Variants in NLRC5 observed in about 807,000 individuals in gnomAD.
The protein encoded by NLRC5 is NLR family CARD domain containing 5, also known as protein NLRC5.
In NLRC5, 114 loss-of-function variants were observed where a neutral mutation model predicts 206.9. The observed-to-expected ratio is 0.55, with a 90% CI of 0.47 to 0.64. NLRC5 has a LOEUF of 0.64. Among genes scored for constraint, NLRC5 ranks in the 30% least tolerant of loss-of-function variants. NLRC5 has a pLI of 0.00. For synonymous variants in NLRC5, 952 were observed against 962.8 expected (o/e 0.99, Z 0.21); for missense variants, 2,008 against 2,305.5 (o/e 0.87, Z 2.64).
intron 28 of NLRC5, chr16:57,058,591 C>T (rs1233176715): frequency 3.1e-6 from 1 of 323,886 alleles, no homozygotes; most frequent in African/African-American, 2.1e-5. Flanking sequence ...CATGGTTGCC[C>T]CATCTCTCCC....
rs903214395 is a variant in NLRC5, at chr16:57,052,131, A to G, written c.3506+510A>G. Among the ~76,000 whole-genome samples, 5 of 152,354 alleles carry G rather than the reference A, an allele frequency of 3.3e-5. No homozygotes were observed. The East Asian group carries it at 9.6e-4, about 29-fold the overall frequency. On this transcript the variant is annotated intron_variant, in intron 24 of 48. Coordinates refer to ENST00000688547, the MANE Select transcript of NLRC5 (RefSeq NM_001384950.1). The stretch of plus-strand genomic sequence containing the variant: ...AAGGGAATTTAAGCAGAATTCCCCC[A>G]AAGTATTAAAACTATTTTCTAATTT...
In NLRC5 at chr16:57,021,013, G is replaced by GGCAGGTGTGAGAGACGCAAA. The variant is rs750431597; in HGVS notation, c.295+11_295+30dup. On this transcript the variant is annotated splice_region_variant and intron_variant, in intron 3 of 48. Coordinates refer to ENST00000688547, the MANE Select transcript of NLRC5 (RefSeq NM_001384950.1). ...TACTTTTGGCTATGATGATGGTAAG[G>GGCAGGTGTGAGAGACGCAAA]GCAGGTGTGAGAGACGCAAAGCAGC... 3 of 1,611,444 alleles carry GGCAGGTGTGAGAGACGCAAA rather than the reference G, an allele frequency of 1.9e-6. No homozygotes were observed. The South Asian group carries it at 3.3e-5, about 18-fold the overall frequency.
At chr16:57,015,925 CA>C (rs35216159) in intron 1 of NLRC5, among the ~76,000 whole-genome samples, 589 of 39,660 alleles carry the variant, frequency 0.015, 5 homozygotes, top group African/African-American at 0.048. Context: ...AACTCCATCT[CA>C]AAAAAAAAAA....
intron 26 of NLRC5, 69 bp from the exon 27 acceptor site, chr16:57,055,364 A>C: frequency 6.9e-7 from 1 of 1,451,892 alleles, no homozygotes; most frequent in South Asian, 1.2e-5. Flanking sequence ...GCCCTGGGCT[A>C]GCCAGGCCGG....
At position 57,076,905 on chromosome 16, in the gene NLRC5, G is replaced by A. The variant is rs372915863; in HGVS notation, c.4835+3G>A. 4 of 1,613,514 alleles carry A rather than the reference G, an allele frequency of 2.5e-6. No homozygotes were observed. Among genetic ancestry groups the A allele is most frequent in the Non-Finnish European group, 2.5e-6 (3 of 1,179,850 alleles). On this transcript the variant is annotated splice_donor_region_variant and intron_variant, in intron 40 of 48. Coordinates refer to ENST00000688547, the MANE Select transcript of NLRC5 (RefSeq NM_001384950.1). ...GCCACCAGCCTAGAGGAGCTGGAGT[G>A]AGTTGCCCATTCTGCCCCCAGACCC...
At chr16:56,996,389 T>TC (rs1250994787) in intron 1 of NLRC5, among the ~76,000 whole-genome samples, 1 of 152,194 alleles carries the variant, frequency 6.6e-6, no homozygotes, top group Non-Finnish European at 1.5e-5. Flanking sequence ...TCTCATTACG[T>TC]TGCCCAGGCT....
At chr16:57,055,812 C>T (rs754462949) in intron 27 of NLRC5, among the ~76,000 whole-genome samples, 1 of 152,166 alleles carries the variant, frequency 6.6e-6, no homozygotes, top group Admixed American at 6.5e-5. Flanking sequence ...GGCTAAAACG[C>T]AGGATTCATT....
In NLRC5 at chr16:57,042,007, G is replaced by A; in HGVS notation, c.3055G>A (p.Glu1019Lys). ...LDFSGNALGD[E>K]GAARLAQLLP... ...CTTCTCAGGCAATGCTCTGGGGGAT[G>A]AAGGTGCAGCCCGGCTGGCTCAGCT... The change falls in exon 19 of 49, where the codon GAA becomes AAA. Residue 1019 changes from glutamate to lysine, a missense_variant. Physicochemically the swap from Glu to Lys is moderately conservative, Grantham distance 56. Coordinates refer to ENST00000688547, the MANE Select transcript of NLRC5 (RefSeq NM_001384950.1). The A allele has an allele frequency of 6.3e-7, 1 of 1,580,678 alleles. No individual in the cohort carries two copies. The highest frequency in any genetic ancestry group is 8.6e-7 in the Non-Finnish European group (1 of 1,167,014).
At chr16:57,072,368 T>A (rs534800225) in intron 38 of NLRC5, among the ~76,000 whole-genome samples, 1 of 152,270 alleles carries the variant, frequency 6.6e-6, no homozygotes, top group East Asian at 1.9e-4. Flanking sequence ...GAGCACAAAA[T>A]ATTCTCCTCA....
rs1217222021 is a variant in NLRC5 at position 57,070,564 on chromosome 16, G to A, written c.4613G>A (p.Gly1538Asp). ...DLSNNQFDEE[G>D]TKALMRALEG... is the part of the protein sequence containing the mutation. ...TCTAACAATCAATTTGATGAGGAGG[G>A]CACCAAGGCGCTGATGAGGGCCCTT... Residue 1538 changes from glycine (G) to aspartate (D), a missense_variant, in exon 38 of 49, where the codon GGC becomes GAC. By Grantham distance (94) the Gly-to-Asp change is moderately conservative. Coordinates refer to ENST00000688547, the MANE Select transcript of NLRC5 (RefSeq NM_001384950.1). 5 of 1,614,108 alleles carry A rather than the reference G, an allele frequency of 3.1e-6. No individual in the cohort carries two copies. The highest frequency in any genetic ancestry group is 3.4e-6 in the Non-Finnish European group (4 of 1,180,016).
rs58713490 is a variant in NLRC5, at chr16:57,006,413, C to CTTTTTTTTTT, written c.-127-10647_-127-10638dup. 2.8e-4 allele frequency among the ~76,000 whole-genome samples: 25 copies of CTTTTTTTTTT among 90,836 alleles called. 3 individuals carry two copies. Among genetic ancestry groups the CTTTTTTTTTT allele is most frequent in the East Asian group, 4.0e-4 (1 of 2,512 alleles). The allele number at this position is 90,836 out of a possible 152,430, so 59.6% of individuals were successfully genotyped here. The stretch of plus-strand genomic sequence containing the variant: ...ATTCCATAAAGTTCATCTTCATCCT[C>CTTTTTTTTTT]TTTTTTTTTTTTTTTTTTTTTTTGA... On this transcript the variant is annotated intron_variant, in intron 1 of 48. Coordinates refer to ENST00000688547, the MANE Select transcript of NLRC5 (RefSeq NM_001384950.1).
chr16:57,007,257 CTCCACG>C (rs1230359528), intron 1 of NLRC5, among the ~76,000 whole-genome samples: 1 of 152,216 alleles, frequency 6.6e-6, no homozygotes, highest in African/African-American at 2.4e-5. Flanking sequence ...AATATACACA[CTCCACG>C]TCCACGTGGA....
intron 2 of NLRC5, 33 bp from the exon 3 acceptor site, chr16:57,020,668 C>T (rs757249375): frequency 6.4e-7 from 1 of 1,556,078 alleles, no homozygotes; most frequent in Non-Finnish European, 8.7e-7. Context: ...TTACCTGTCC[C>T]CCTCAACTCA....
chr16:57,043,786 G>A (rs2063581312), intron 20 of NLRC5, 182 bp downstream of exon 20: 3 of 628,724 alleles, frequency 4.8e-6, no homozygotes, highest in East Asian at 5.5e-5. Flanking sequence ...TCAAATGAAT[G>A]AATAAGTATG....
chr16:57,070,491 T>TG, intron 37 of NLRC5, 44 bp from the exon 38 acceptor site: 1 of 1,559,744 alleles, frequency 6.4e-7, no homozygotes, highest in African/African-American at 1.4e-5. Flanking sequence ...GCTCCAGGGC[T>TG]GGGCAGGCTG....
chr16:57,071,297 G>T (rs1472235887), intron 38 of NLRC5, among the ~76,000 whole-genome samples: 5 of 141,114 alleles, frequency 3.5e-5, no homozygotes, highest in African/African-American at 1.3e-4. Context: ...GGGAAGCGTT[G>T]TGAGTGAGTG....
At chr16:57,047,504 G>A in intron 22 of NLRC5, 41 bp from the exon 23 acceptor site, 1 of 1,564,394 alleles carries the variant, frequency 6.4e-7, no homozygotes, top group Non-Finnish European at 8.7e-7. Context: ...GGGACCCTGG[G>A]CTTTCTCTGA....
In NLRC5 at chr16:57,025,770, T is replaced by C; in HGVS notation, c.827T>C (p.Leu276Pro). 1 of 1,614,160 alleles carries C rather than the reference T, an allele frequency of 6.2e-7. No homozygotes were observed. The highest frequency in any genetic ancestry group is 8.5e-7 in the Non-Finnish European group (1 of 1,180,028). The change falls in exon 6 of 49, where the codon CTC (leucine) becomes CCC (proline). Residue 276 changes from leucine (L) to proline (P), a missense_variant. Physicochemically the swap from Leu to Pro is moderately conservative, Grantham distance 98. Transcript: ENST00000688547. ...ACGAGGTTCCTGACACCGTCCGAGC[T>C]CCTTTTTGATCTGTACCTGAGCCCT... ...LITRFLTPSE[L>P]LFDLYLSPES...
intron 23 of NLRC5, 44 bp from the exon 24 acceptor site, chr16:57,051,494 C>T: frequency 3.4e-6 from 5 of 1,458,848 alleles, no homozygotes; most frequent in Non-Finnish European, 4.8e-6. Context: ...TCCCTGCTTT[C>T]CTGGAAGGTT....
Sources: gnomAD v4.1 joint callset for allele counts (sites outside exome capture counted in the v4.1 genomes callset) on GRCh38, gnomAD v4.1.1 for gene constraint, MANE v1.5 for transcripts, NCBI Gene and HGNC (gene_info 2026-07-23, HGNC 2026-07-21) for gene names.